Variants in SNX25 observed in about 807,000 individuals in gnomAD.
The protein encoded by SNX25 is sorting nexin 25, also known as sorting nexin-25.
SNX25 carries 62 observed loss-of-function variants against 113.7 expected under a neutral mutation model. The observed-to-expected ratio is 0.55, with a 90% CI of 0.44 to 0.67. The LOEUF (loss-of-function observed/expected upper bound fraction) is 0.67, where lower values mean the gene tolerates loss of function less well. Ranked by LOEUF, SNX25 falls within the 30% of genes least tolerant of loss-of-function variation. The pLI, the probability that SNX25 is intolerant of heterozygous loss-of-function variation, is 0.00. For synonymous variants in SNX25, 421 were observed against 436.2 expected (o/e 0.97, Z 0.43); for missense variants, 1,014 against 1,161.0 (o/e 0.87, Z 1.84).
In SNX25 at chr4:185,210,193, C is replaced by T; in HGVS notation, c.367C>T (p.Pro123Ser). Residue 123 changes from proline to serine, a missense_variant, in exon 1 of 19, where the codon CCC becomes TCC. Pro to Ser is a moderately conservative substitution (Grantham distance 74, BLOSUM62 -1). Coordinates refer to ENST00000652585, the MANE Select transcript of SNX25 (RefSeq NM_001378034.2). This position sits in a 1 kb window ranked among gnomAD's most constrained non-coding sequence, Gnocchi z 4.4. Reference sequence around the variant, plus strand: ...CTGCCGGAGCCCGCGCGCCCAGCCGCCCGACTTCGCCGCCGCCTGGAGCCG... The same window carrying T: ...CTGCCGGAGCCCGCGCGCCCAGCCGTCCGACTTCGCCGCCGCCTGGAGCCG... The part of the protein sequence containing the change: ...LVCRSPRAQP[P>S]DFAAAWSRLA... The T allele has an allele frequency of 1.0e-6, 1 of 984,948 alleles. No homozygotes were observed. Among genetic ancestry groups the T allele is most frequent in the South Asian group, 4.7e-5 (1 of 21,330 alleles). 61.0% of individuals were successfully genotyped at this position (984,948 alleles called of 1,614,324 possible).
chr4:185,222,557 C>CTATACAGCGGCA (rs1425442588), intron 1 of SNX25, among the ~76,000 whole-genome samples: 1 of 152,126 alleles, frequency 6.6e-6, no homozygotes, highest in Non-Finnish European at 1.5e-5. Context: ...TTCGTGGTAG[C>CTATACAGCGGCA]TATACAGCGG....
chr4:185,362,480 G>A, intron 17 of SNX25, 131 bp from the exon 18 acceptor site: 1 of 1,179,420 alleles, frequency 8.5e-7, no homozygotes, highest in South Asian at 2.0e-5. Flanking sequence ...TGAGAGAACT[G>A]ACCATTCATG....
chr4:185,351,734 C>A (rs537132930), intron 14 of SNX25, 125 bp downstream of exon 14: 2 of 987,104 alleles, frequency 2.0e-6, no homozygotes, highest in Admixed American at 5.5e-5. Flanking sequence ...TTTGAGGCAC[C>A]TGCTTGTATT....
chr4:185,282,054 A>G (rs1191490061), intron 5 of SNX25, among the ~76,000 whole-genome samples: 1 of 152,192 alleles, frequency 6.6e-6, no homozygotes. Flanking sequence ...TTGGTTTTTC[A>G]TAAGCACTCG....
intron 16 of SNX25, 77 bp from the exon 17 acceptor site, chr4:185,361,847 G>A (rs565351717): frequency 7.2e-6 from 10 of 1,396,940 alleles, no homozygotes; most frequent in East Asian, 4.6e-5. Context: ...CTTAACCTTC[G>A]TATTGATAAG....
At chr4:185,244,742 G>A (rs1250191060) in intron 1 of SNX25, among the ~76,000 whole-genome samples, 1 of 152,032 alleles carries the variant, frequency 6.6e-6, no homozygotes, top group African/African-American at 2.4e-5. Context: ...TGAGCATAAA[G>A]GAATATCTTT....
chr4:185,376,942 T>C, the SNX25 span: 6 of 1,613,670 alleles, frequency 3.7e-6, no homozygotes, highest in South Asian at 2.2e-5. Flanking sequence ...GTAGGAAATA[T>C]GCCAGAGTGT....
chr4:185,259,040 G>C lies in SNX25; in HGVS notation c.707G>C (p.Cys236Ser), dbSNP rs1746858491. Residue 236 changes from cysteine (C) to serine (S), a missense_variant, in exon 3 of 19, where the codon TGT (cysteine) becomes TCT (serine). Coordinates refer to ENST00000652585, the MANE Select transcript of SNX25 (RefSeq NM_001378034.2). ...GTGAGGACTTTACTCACTCATTTCT[G>C]TGACCTGAAAGCTGCCAATGCCAGG... ...DVVRTLLTHF[C>S]DLKAANARHE... 1 of 1,613,984 alleles carries C rather than the reference G, an allele frequency of 6.2e-7. No homozygotes were observed.
Position 185,358,812 on chromosome 4 carries a change from TA to T in SNX25, c.2651+1084del, listed in dbSNP as rs926941080. Reference sequence around the variant, plus strand: ...GAATATGAGTCAACGTCTAGAAATTTAAAAAAAAATCACTTTTTTATATAAC... The same window carrying T: ...GAATATGAGTCAACGTCTAGAAATTTAAAAAAAATCACTTTTTTATATAAC... On this transcript the variant is annotated intron_variant, in intron 16 of 18. Coordinates refer to ENST00000652585, the MANE Select transcript of SNX25 (RefSeq NM_001378034.2). Among the ~76,000 whole-genome samples, 103 of 151,780 alleles carry T rather than the reference TA, an allele frequency of 6.8e-4. 1 individual carries two copies. The Middle Eastern group carries it at 0.031, about 45-fold the overall frequency.
intron 7 of SNX25, among the ~76,000 whole-genome samples, chr4:185,318,474 G>A (rs150205412): frequency 1.6e-4 from 25 of 151,994 alleles, no homozygotes; most frequent in Admixed American, 7.9e-4. Context: ...CAAGTAGATG[G>A]GCTTATTTTG....
intron 4 of SNX25, among the ~76,000 whole-genome samples, chr4:185,265,592 C>T (rs981696380): frequency 6.6e-6 from 1 of 152,202 alleles, no homozygotes; most frequent in African/African-American, 2.4e-5. Context: ...ACTTCATAAA[C>T]AGTGTACGCT....
At chr4:185,369,049 C>T (rs2095404429) in intron 11 of SNX25, among the ~76,000 whole-genome samples, 2 of 152,020 alleles carry the variant, frequency 1.3e-5, no homozygotes, top group South Asian at 4.2e-4. Flanking sequence ...CCACCTCGGC[C>T]TCCCAAAGTG....
chr4:185,371,335 T>G (rs143171117), downstream of SNX25, among the ~76,000 whole-genome samples: 13 of 151,988 alleles, frequency 8.6e-5, no homozygotes, highest in East Asian at 7.8e-4. Flanking sequence ...GTTAGGAGAT[T>G]GAGACCATCC....
At chr4:185,309,238 G>A (rs1339508318) in intron 6 of SNX25, among the ~76,000 whole-genome samples, 2 of 152,158 alleles carry the variant, frequency 1.3e-5, no homozygotes, top group Non-Finnish European at 2.9e-5. Flanking sequence ...AAGCATGGAA[G>A]CCTCGGGGCA....
intron 4 of SNX25, among the ~76,000 whole-genome samples, chr4:185,265,332 T>A (rs1302529358): frequency 1.3e-5 from 2 of 152,212 alleles, no homozygotes; most frequent in Non-Finnish European, 2.9e-5. Context: ...GGCAATATGG[T>A]GTAACCTATT....
upstream of SNX25, chr4:185,207,929 A>G (rs1350293176): frequency 1.3e-5 from 2 of 152,220 alleles, no homozygotes; most frequent in African/African-American, 4.8e-5. Flanking sequence ...TTCAGAATAC[A>G]GTCCTCGGCA....
chr4:185,377,107 CTG>C, the SNX25 span: 3 of 933,000 alleles, frequency 3.2e-6, no homozygotes, highest in Non-Finnish European at 5.1e-6. Flanking sequence ...CCATCTAACA[CTG>C]TTGACATTCT....
At chr4:185,291,110 GT>G (rs1159062784) in intron 6 of SNX25, among the ~76,000 whole-genome samples, 3 of 152,152 alleles carry the variant, frequency 2.0e-5, no homozygotes, top group African/African-American at 7.2e-5. Context: ...CATGACCTCT[GT>G]TACGTTCTAA....
At chr4:185,304,797 T>A (rs1029083496) in intron 6 of SNX25, among the ~76,000 whole-genome samples, 1 of 152,212 alleles carries the variant, frequency 6.6e-6, no homozygotes, top group Non-Finnish European at 1.5e-5. Context: ...CCTAAAACTT[T>A]TATTTGAATA....
Sources: gnomAD v4.1 joint callset for allele counts (sites outside exome capture counted in the v4.1 genomes callset) on GRCh38, gnomAD v4.1.1 for gene constraint, Gnocchi (gnomAD v3.1) non-coding constraint, MANE v1.5 for transcripts, NCBI Gene and HGNC (gene_info 2026-07-23, HGNC 2026-07-21) for gene names.